The following GPLD1 variants were observed in gnomAD, a reference collection of about 807,000 sequenced individuals.
GPLD1 encodes glycosylphosphatidylinositol specific phospholipase D1, also known as phosphatidylinositol-glycan-specific phospholipase D.
A neutral mutation model predicts 112.6 loss-of-function variants in GPLD1; 84 were observed. That is an observed-to-expected ratio of 0.75 (90% confidence interval 0.63 to 0.89). The LOEUF is 0.89. Ranked by LOEUF, GPLD1 falls within the 40% of genes least tolerant of loss-of-function variation. The probability of loss-of-function intolerance (pLI) is 0.00; values close to 1 mark genes in which losing one functional copy is unlikely to be tolerated. For synonymous variants in GPLD1, 386 were observed against 403.8 expected (o/e 0.96, Z 0.53); for missense variants, 1,044 against 1,051.5 (o/e 0.99, Z 0.10).
intron 12 of GPLD1, among the ~76,000 whole-genome samples, chr6:24,458,261 T>C (rs1763329014): frequency 6.6e-6 from 1 of 152,098 alleles, no homozygotes; most frequent in Non-Finnish European, 1.5e-5. Flanking sequence ...CTGAGGATCT[T>C]TCAGGCACGA....
upstream of GPLD1, among the ~76,000 whole-genome samples, chr6:24,491,160 T>C (rs1764548330): frequency 6.6e-6 from 1 of 152,128 alleles, no homozygotes; most frequent in Admixed American, 6.6e-5. Flanking sequence ...GTCCCCACCA[T>C]CCATGCAATG....
At position 24,454,028 on chromosome 6, in the gene GPLD1, A is replaced by G; in HGVS notation, c.1322T>C (p.Leu441Pro). ...LDLDKEAHRI[L>P]EGFQPSGRFG... ...ATGGTGTCTCACCTGGAAGCCTTCA[A>G]GGATCCTGTGGGCCTCCTTGTCCAG... Residue 441 changes from leucine to proline, a missense_variant, in exon 14 of 25, where the codon CTT becomes CCT. By Grantham distance (98) the Leu-to-Pro change is moderately conservative. Transcript: ENST00000230036. The G allele has an allele frequency of 6.2e-7, 1 of 1,610,412 alleles. No individual in the cohort carries two copies. The highest frequency in any genetic ancestry group is 8.5e-7 in the Non-Finnish European group (1 of 1,177,568).
Position 24,430,217 on chromosome 6 carries a change from C to T in GPLD1, c.2437-1099G>A, listed in dbSNP as rs186884936. ...CTCTTTCCCAATTTATGGAATTACTCATTTACTAAATTTGCCTGGCCTTCG... is the reference window on the plus strand; with the variant it reads ...CTCTTTCCCAATTTATGGAATTACTTATTTACTAAATTTGCCTGGCCTTCG... On this transcript the variant is annotated intron_variant, in intron 24 of 24. Coordinates refer to ENST00000230036, the MANE Select transcript of GPLD1 (RefSeq NM_001503.4). Among the ~76,000 whole-genome samples the T allele has an allele frequency of 3.9e-5, 6 of 152,276 alleles. No homozygotes were observed. In the East Asian group the frequency reaches 9.7e-4, roughly 25 times the overall value.
chr6:24,440,581 C>CAAAAAAAAAAAA (rs58480061), intron 20 of GPLD1, among the ~76,000 whole-genome samples: 112 of 118,470 alleles, frequency 9.5e-4, no homozygotes, highest in Non-Finnish European at 1.5e-3. Context: ...AAAAAATACT[C>CAAAAAAAAAAAA]AAAAAAAAAA....
intron 3 of GPLD1, among the ~76,000 whole-genome samples, 181 bp downstream of exon 3, chr6:24,479,700 T>C (rs540459438): frequency 6.6e-6 from 1 of 152,348 alleles, no homozygotes; most frequent in Non-Finnish European, 1.5e-5. Context: ...AATGCAACTA[T>C]GTAAACTAAG....
At chr6:24,464,871 G>A (rs1377728171) in intron 10 of GPLD1, among the ~76,000 whole-genome samples, 1 of 152,186 alleles carries the variant, frequency 6.6e-6, no homozygotes, top group Non-Finnish European at 1.5e-5. Context: ...AGTGGGGAGA[G>A]GCTGCATGTC....
chr6:24,494,938 T>G, intron 1 of GPLD1: 1 of 1,270,944 alleles, frequency 7.9e-7, no homozygotes, highest in Non-Finnish European at 9.9e-7. Context: ...CCGCGACCCC[T>G]GCGTTCCCGT....
chr6:24,460,255 CAACTT>C lies in GPLD1; in HGVS notation c.1008+19_1008+23del, dbSNP rs756122627. 6.2e-7 allele frequency: 1 copy of C among 1,613,068 alleles called. No homozygotes were observed. Among genetic ancestry groups the C allele is most frequent in the Admixed American group, 1.7e-5 (1 of 59,874 alleles). ...CTCAAGAAGCAGCATTCCTCTTTCT[CAACTT>C]AGAGCAGAAAATTCTTACCGGGGTC... On this transcript the variant is annotated intron_variant, in intron 12 of 24. Transcript: ENST00000230036.
At chr6:24,495,165 G>A (rs1290260907) in exon 1 of GPLD1, 3 of 1,479,228 alleles carry the variant, frequency 2.0e-6, no homozygotes, top group Non-Finnish European at 8.9e-7. Context: ...CCTCTCTGCG[G>A]CGCTGCTGCG....
At chr6:24,446,072 G>A (rs1214025787) in intron 18 of GPLD1, among the ~76,000 whole-genome samples, 2 of 152,064 alleles carry the variant, frequency 1.3e-5, no homozygotes, top group Non-Finnish European at 2.9e-5. Flanking sequence ...GACTCTCTGG[G>A]ATAGAGATAT....
At chr6:24,455,401 A>G (rs1763234266) in intron 13 of GPLD1, among the ~76,000 whole-genome samples, 1 of 152,234 alleles carries the variant, frequency 6.6e-6, no homozygotes, top group Non-Finnish European at 1.5e-5. Context: ...GACTGTCAGG[A>G]AATTGTGCCA....
At chr6:24,441,935 CATTA>C (rs1384809529) in intron 20 of GPLD1, among the ~76,000 whole-genome samples, 1 of 149,550 alleles carries the variant, frequency 6.7e-6, no homozygotes, top group Non-Finnish European at 1.5e-5. Flanking sequence ...CTGATGGTGA[CATTA>C]ATTCATATTT....
intron 11 of GPLD1, 71 bp downstream of exon 11, chr6:24,462,659 C>A: frequency 1.0e-6 from 1 of 964,074 alleles, no homozygotes; most frequent in South Asian, 1.3e-5. Context: ...ATCCCGTGTT[C>A]TCAACCTCTA....
intron 22 of GPLD1, among the ~76,000 whole-genome samples, chr6:24,434,888 C>T (rs2127315398): frequency 6.6e-6 from 1 of 151,464 alleles, no homozygotes; most frequent in South Asian, 2.1e-4. Context: ...CAAGCTGGTG[C>T]TGAACTCCTG....
At chr6:24,472,518 G>A (rs1420687690) in intron 7 of GPLD1, 64 bp downstream of exon 7, 5 of 914,424 alleles carry the variant, frequency 5.5e-6, no homozygotes, top group East Asian at 2.4e-5. Flanking sequence ...TATTTTCTAA[G>A]AAAAAAAGTC....
chr6:24,433,908 T>G (rs1201754713), intron 22 of GPLD1, among the ~76,000 whole-genome samples: 1 of 152,192 alleles, frequency 6.6e-6, no homozygotes. Context: ...AACATTTATG[T>G]GACTATTTAC....
At chr6:24,476,532 A>G (rs1268234699) in intron 3 of GPLD1, among the ~76,000 whole-genome samples, 1 of 152,310 alleles carries the variant, frequency 6.6e-6, no homozygotes, top group East Asian at 1.9e-4. Context: ...AAACTGGCTC[A>G]CGGAATCGCA....
Position 24,436,688 on chromosome 6 carries a change from C to A in GPLD1, c.2246G>T (p.Gly749Val). ...APLRIADVTS[G>V]LIGGEDGRVY... ...TCGGCCGTCTTCTCCCCCAATCAGTCCAGAGGTTACATCTGCTATCCTCAG... is the reference window on the plus strand; with the variant it reads ...TCGGCCGTCTTCTCCCCCAATCAGTACAGAGGTTACATCTGCTATCCTCAG... The change falls in exon 22 of 25, where the codon GGA (glycine) becomes GTA (valine). Residue 749 changes from glycine to valine, a missense_variant. Physicochemically the swap from Gly to Val is moderately radical, Grantham distance 109. Transcript: ENST00000230036. 6.2e-7 allele frequency: 1 copy of A among 1,614,084 alleles called. No homozygotes were observed. Among genetic ancestry groups the A allele is most frequent in the Middle Eastern group, 1.6e-4 (1 of 6,062 alleles).
At chr6:24,454,928 A>T (rs139120145) in intron 13 of GPLD1, among the ~76,000 whole-genome samples, 127 of 152,376 alleles carry the variant, frequency 8.3e-4, no homozygotes, top group Middle Eastern at 3.4e-3. Flanking sequence ...CAGGAGTTCG[A>T]TACCAGCCTG....
Sources: allele counts gnomAD v4.1 joint callset (sites outside exome capture counted in the v4.1 genomes callset), GRCh38; gene constraint gnomAD v4.1.1; transcripts MANE v1.5; gene names NCBI Gene and HGNC (gene_info 2026-07-23, HGNC 2026-07-21).